ZDHHC7: variants seen among roughly 807,000 people sequenced by gnomAD.
The protein encoded by ZDHHC7 is palmitoyltransferase ZDHHC7.
Under a neutral mutation model 34.1 loss-of-function variants are expected in ZDHHC7, and 12 were observed. That is an observed-to-expected ratio of 0.35 (90% CI 0.23 to 0.57). ZDHHC7 has a LOEUF of 0.57. Among genes scored for constraint, ZDHHC7 ranks in the 20% least tolerant of loss-of-function variants. The pLI is 0.84. For missense variants in ZDHHC7, 388 were observed against 402.7 expected, an observed-to-expected ratio of 0.96 and a Z score of 0.31; for synonymous variants, 185 against 155.4, an observed-to-expected ratio of 1.19 and a Z score of -1.42.
chr16:85,009,285 T>TA (rs1384091697), intron 1 of ZDHHC7, among the ~76,000 whole-genome samples: 6 of 152,116 alleles, frequency 3.9e-5, no homozygotes, highest in Non-Finnish European at 8.8e-5. Flanking sequence ...AGTAAGAATG[T>TA]AAAAGTACGT....
intron 1 of ZDHHC7, among the ~76,000 whole-genome samples, chr16:84,999,851 A>G (rs549075277): frequency 6.6e-6 from 1 of 152,234 alleles, no homozygotes; most frequent in East Asian, 1.9e-4. Flanking sequence ...TAGACTATAC[A>G]CTTTAAATTG....
At chr16:85,016,305 C>T (rs567253447), upstream of ZDHHC7, among the ~76,000 whole-genome samples, 1 of 151,658 alleles carries the variant, frequency 6.6e-6, no homozygotes, top group Non-Finnish European at 1.5e-5. Context: ...TATAGGCATG[C>T]GCCAGCACAC....
At chr16:84,988,654 T>A in intron 3 of ZDHHC7, 1 of 917,378 alleles carries the variant, frequency 1.1e-6, no homozygotes, top group South Asian at 1.5e-5. Context: ...AGCTGTAGAG[T>A]CTGAGCGCAG....
chr16:84,974,995 T>C lies in ZDHHC7; in HGVS notation c.*1348A>G, dbSNP rs906282847. ...CTTCTCTTAGTGTGGAGGGCAAGCA[T>C]AAAGGAAGACCCTCAGACTTTGTCA... is the stretch of plus-strand genomic sequence containing the variant. On this transcript the variant is annotated 3_prime_UTR_variant, in exon 8 of 8. Transcript: ENST00000313732. The C allele has an allele frequency of 2.0e-5, 3 of 152,624 alleles. No individual in the cohort carries two copies. Among genetic ancestry groups the C allele is most frequent in the African/African-American group, 4.8e-5 (2 of 41,432 alleles). The allele number at this position is 152,624 out of a possible 1,614,324, so 9.5% of individuals were successfully genotyped here. A position where few individuals can be genotyped will look rare whatever the true frequency, so the allele number is the denominator to read the frequency against.
intron 1 of ZDHHC7, among the ~76,000 whole-genome samples, chr16:84,999,230 C>G (rs1016698467): frequency 6.6e-6 from 1 of 152,136 alleles, no homozygotes; most frequent in Admixed American, 6.6e-5. Context: ...CAGGTCTACA[C>G]CAGATTTTCT....
chr16:85,024,866 A>C, the ZDHHC7 span, among the ~76,000 whole-genome samples: 3 of 152,252 alleles, frequency 2.0e-5, no homozygotes, highest in Non-Finnish European at 4.4e-5. Context: ...CAGTCCATTC[A>C]GAACAAATCC....
the ZDHHC7 span, among the ~76,000 whole-genome samples, chr16:85,021,071 C>G: frequency 6.6e-6 from 1 of 151,492 alleles, no homozygotes; most frequent in Non-Finnish European, 1.5e-5. Context: ...CACCACTGCA[C>G]TCCAGCCTAA....
Position 84,975,444 on chromosome 16 carries a change from TG to T in ZDHHC7, c.*898del, listed in dbSNP as rs2072282534. ...GCCATTTATACACTGCTAATTTGGC[TG>T]GAACAAAAAAAAAAAATCAGTTCCA... On this transcript the variant is annotated 3_prime_UTR_variant, in exon 8 of 8. Coordinates refer to ENST00000313732, the MANE Select transcript of ZDHHC7 (RefSeq NM_017740.3). 6.8e-6 allele frequency: 1 copy of T among 146,928 alleles called. No individual in the cohort carries two copies. Among genetic ancestry groups the T allele is most frequent in the African/African-American group, 2.5e-5 (1 of 39,402 alleles). 9.1% of individuals were successfully genotyped at this position (146,928 alleles called of 1,614,324 possible).
the ZDHHC7 span, among the ~76,000 whole-genome samples, chr16:85,026,863 T>C: frequency 1.3e-5 from 2 of 152,048 alleles, no homozygotes; most frequent in Non-Finnish European, 2.9e-5. Flanking sequence ...AAATTTGAGG[T>C]GTCAGTCAAT....
intron 1 of ZDHHC7, among the ~76,000 whole-genome samples, chr16:85,009,015 A>C (rs2072754395): frequency 1.3e-5 from 2 of 150,390 alleles, no homozygotes; most frequent in African/African-American, 5.0e-5. Context: ...ACTGCACTCC[A>C]GCCTGGGCAA....
At chr16:85,009,701 C>CTTTTT (rs200213740) in intron 1 of ZDHHC7, among the ~76,000 whole-genome samples, 20 of 132,308 alleles carry the variant, frequency 1.5e-4, no homozygotes, top group Admixed American at 1.8e-4. Flanking sequence ...CAAGTTCTGA[C>CTTTTT]TTTTTTTCTT....
chr16:85,014,684 C>A (rs1597573163), upstream of ZDHHC7, among the ~76,000 whole-genome samples: 1 of 152,034 alleles, frequency 6.6e-6, no homozygotes, highest in African/African-American at 2.4e-5. Context: ...GTACTGTTGA[C>A]AAAAAGAGCC....
intron 2 of ZDHHC7, among the ~76,000 whole-genome samples, chr16:84,992,166 AG>A (rs1329047030): frequency 7.0e-6 from 1 of 142,954 alleles, no homozygotes; most frequent in Non-Finnish European, 1.5e-5. Context: ...AAAAAAAAAA[AG>A]AAAAGAAAAG....
At chr16:85,000,474 C>A (rs192413256) in intron 1 of ZDHHC7, among the ~76,000 whole-genome samples, 23 of 152,290 alleles carry the variant, frequency 1.5e-4, no homozygotes, top group Admixed American at 3.9e-4. Flanking sequence ...TACCAGTATT[C>A]TCTGGTGATC....
At chr16:84,983,943 G>A (rs1338763691) in intron 3 of ZDHHC7, among the ~76,000 whole-genome samples, 1 of 140,024 alleles carries the variant, frequency 7.1e-6, no homozygotes, top group South Asian at 2.4e-4. Context: ...AGTGAGCCAA[G>A]ATCACGCCAC....
chr16:84,974,623 TCA>T lies in ZDHHC7; in HGVS notation c.*1718_*1719del, dbSNP rs2072270698. 6.5e-6 allele frequency: 1 copy of T among 152,798 alleles called. No individual in the cohort carries two copies. Among genetic ancestry groups the T allele is most frequent in the East Asian group, 1.9e-4 (1 of 5,178 alleles). The allele number at this position is 152,798 out of a possible 1,614,324, so 9.5% of individuals were successfully genotyped here. On this transcript the variant is annotated 3_prime_UTR_variant, in exon 8 of 8. Transcript: ENST00000313732. ...TAACAGGATATACATATTAAAAGCCTCACACTGAAGCCCACACGCATGTCCAA... is the reference window on the plus strand; with the variant it reads ...TAACAGGATATACATATTAAAAGCCTCACTGAAGCCCACACGCATGTCCAA...
chr16:84,977,934 C>A lies in ZDHHC7; in HGVS notation c.609G>T (p.Gly203=). Residue 203 remains glycine, a synonymous_variant, in exon 6 of 8, where the codon GGG becomes GGT. Transcript: ENST00000313732. The stretch of plus-strand genomic sequence containing the variant: ...AGCCAGGGAACTTACCAGTCCACTG[C>A]CCTCGGACACAGGAGATGAACTGAA... ...CGFQFISCVR[G]QWTECSDFSP... is the part of the protein sequence containing the mutation. 4 of 1,613,730 alleles carry A rather than the reference C, an allele frequency of 2.5e-6. No homozygotes were observed. In the Middle Eastern group the frequency reaches 5.0e-4, roughly 200 times the overall value.
At chr16:85,020,895 A>C in the ZDHHC7 span, among the ~76,000 whole-genome samples, 1 of 151,936 alleles carries the variant, frequency 6.6e-6, no homozygotes. Flanking sequence ...ACCTGAGCCC[A>C]GAAGTTTGAG....
intron 7 of ZDHHC7, among the ~76,000 whole-genome samples, 176 bp from the exon 8 acceptor site, chr16:84,976,695 C>T (rs574064601): frequency 5.3e-5 from 8 of 152,358 alleles, no homozygotes; most frequent in South Asian, 4.1e-4. Context: ...GAGCCCAGCC[C>T]GGCTGCAGCC....
Sources: gnomAD v4.1 joint callset for allele counts (sites outside exome capture counted in the v4.1 genomes callset) on GRCh38, gnomAD v4.1.1 for gene constraint, MANE v1.5 for transcripts, NCBI Gene and HGNC (gene_info 2026-07-23, HGNC 2026-07-21) for gene names.